The following PPP2R2A variants were observed in gnomAD, a reference collection of about 807,000 sequenced individuals.
The protein encoded by PPP2R2A is protein phosphatase 2 regulatory subunit Balpha.
In PPP2R2A, 9 loss-of-function variants were observed where a neutral mutation model predicts 53.2. That is an observed-to-expected ratio of 0.17 (90% CI 0.10 to 0.30). The LOEUF (loss-of-function observed/expected upper bound fraction) is 0.30, where lower values mean the gene tolerates loss of function less well. Among genes scored for constraint, PPP2R2A ranks in the 10% least tolerant of loss-of-function variants. PPP2R2A has a pLI of 1.00. For missense variants in PPP2R2A, 235 were observed against 534.6 expected, an observed-to-expected ratio of 0.44 and a Z score of 5.53; for synonymous variants, 169 against 174.2, an observed-to-expected ratio of 0.97 and a Z score of 0.23.
rs187748785 is a variant in PPP2R2A at position 26,333,691 on chromosome 8, T to A, written c.83-5199T>A. The A allele has an allele frequency of 1.8e-3, 638 of 353,994 alleles. 2 individuals carry two copies. The highest frequency in any genetic ancestry group is 2.4e-3 in the Non-Finnish European group (550 of 227,992). 21.9% of individuals were successfully genotyped at this position (353,994 alleles called of 1,614,324 possible). A position where few individuals can be genotyped will look rare whatever the true frequency, so the allele number is the denominator to read the frequency against. ...CCTTGCTGATTTTTATACTGAGAGT[T>A]ACATTTTTGAACCTTTGGCTGTATG... On this transcript the variant is annotated intron_variant, in intron 2 of 9. Transcript: ENST00000380737.
rs1208986792 is a variant in PPP2R2A, at chr8:26,354,336, C to A, written c.181-132C>A. On this transcript the variant is annotated intron_variant, in intron 3 of 9. Transcript: ENST00000380737. The surrounding 1 kb of genome is among the most constrained non-coding windows in gnomAD (Gnocchi z 4.6). ...TGAAGGCCTTTAGAAATATAAAAAA[C>A]AGAATGTAATTGTATAAAGACACAA... The A allele has an allele frequency of 4.7e-6, 3 of 637,340 alleles. No homozygotes were observed. Among genetic ancestry groups the A allele is most frequent in the African/African-American group, 1.9e-5 (1 of 52,666 alleles). The allele number at this position is 637,340 out of a possible 1,614,324, so 39.5% of individuals were successfully genotyped here. A position where few individuals can be genotyped will look rare whatever the true frequency, so the allele number is the denominator to read the frequency against.
intron 2 of PPP2R2A, among the ~76,000 whole-genome samples, chr8:26,296,760 G>A (rs757600672): frequency 6.6e-6 from 1 of 152,158 alleles, no homozygotes; most frequent in Non-Finnish European, 1.5e-5. Context: ...TTTTGAAAGG[G>A]GAAGAGAAAT....
chr8:26,334,806 G>A (rs977089388), intron 2 of PPP2R2A, among the ~76,000 whole-genome samples: 25 of 152,286 alleles, frequency 1.6e-4, no homozygotes, highest in African/African-American at 5.8e-4. Flanking sequence ...TTTTAGACCT[G>A]TGCTGTCCAG....
chr8:26,341,992 A>G (rs573338014), intron 3 of PPP2R2A, among the ~76,000 whole-genome samples: 7 of 152,266 alleles, frequency 4.6e-5, no homozygotes, highest in Non-Finnish European at 7.4e-5. Flanking sequence ...TTATTCCCCA[A>G]TCGTAATATA....
At chr8:26,309,831 A>G (rs1477064036) in intron 2 of PPP2R2A, among the ~76,000 whole-genome samples, 1 of 152,142 alleles carries the variant, frequency 6.6e-6, no homozygotes, top group East Asian at 1.9e-4. Context: ...TTGCTGTCTT[A>G]TGGAGGTGCT....
Position 26,362,107 on chromosome 8 carries a change from GATT to G in PPP2R2A, c.638-575_638-573del, listed in dbSNP as rs1477472342. On this transcript the variant is annotated intron_variant, in intron 6 of 9. Coordinates refer to ENST00000380737, the MANE Select transcript of PPP2R2A (RefSeq NM_002717.4). The surrounding 1 kb of genome is among the most constrained non-coding windows in gnomAD (Gnocchi z 4.4). ...TAATAATTAGATTAGATTAGAAAAA[GATT>G]AGAAAAAGAAAGATTAAAGATTACG... 6.6e-6 allele frequency among the ~76,000 whole-genome samples: 1 copy of G among 150,596 alleles called. No homozygotes were observed. The highest frequency in any genetic ancestry group is 2.4e-5 in the African/African-American group (1 of 40,886).
chr8:26,361,294 A>G (rs1340991578), intron 6 of PPP2R2A, 143 bp downstream of exon 6: 2 of 668,364 alleles, frequency 3.0e-6, no homozygotes, highest in African/African-American at 3.8e-5. Flanking sequence ...TTCTTTGTAG[A>G]TGAGTAATGA....
At chr8:26,301,409 T>G (rs1801779669) in intron 2 of PPP2R2A, among the ~76,000 whole-genome samples, 3 of 151,234 alleles carry the variant, frequency 2.0e-5, no homozygotes, top group Non-Finnish European at 4.4e-5. Context: ...CATGGCTCAC[T>G]GCAGCCTCAA....
In PPP2R2A at chr8:26,321,237, A is replaced by G. The variant is rs182187930; in HGVS notation, c.83-17653A>G. 1.8e-4 allele frequency among the ~76,000 whole-genome samples: 28 copies of G among 152,290 alleles called. No homozygotes were observed. The highest frequency in any genetic ancestry group is 7.2e-4 in the Admixed American group (11 of 15,302). ...GAATTGAAGGGGGAGCCACTGGACAATTGGTTCATGTATTCTGTACTTTGA... is the reference window on the plus strand; with the variant it reads ...GAATTGAAGGGGGAGCCACTGGACAGTTGGTTCATGTATTCTGTACTTTGA... On this transcript the variant is annotated intron_variant, in intron 2 of 9. Transcript: ENST00000380737. This position sits in a 1 kb window ranked among gnomAD's most constrained non-coding sequence, Gnocchi z 4.1.
chr8:26,367,957 G>C (rs1474875501), intron 9 of PPP2R2A, among the ~76,000 whole-genome samples: 17 of 152,080 alleles, frequency 1.1e-4, no homozygotes, highest in East Asian at 1.9e-4. Context: ...CATGACCTTG[G>C]CATTTTGAAG....
In PPP2R2A at chr8:26,345,211, A is replaced by T. The variant is rs899497850; in HGVS notation, c.180+6224A>T. ...CTCCACCAAAAACAACTCCAAATCT[A>T]TGAAATTAATAATGCCCAGTAATTT... On this transcript the variant is annotated intron_variant, in intron 3 of 9. Coordinates refer to ENST00000380737, the MANE Select transcript of PPP2R2A (RefSeq NM_002717.4). Among the ~76,000 whole-genome samples the T allele has an allele frequency of 2.0e-5, 3 of 152,206 alleles. 1 individual carries two copies. Among genetic ancestry groups the T allele is most frequent in the Non-Finnish European group, 1.5e-5 (1 of 68,032 alleles).
intron 1 of PPP2R2A, 29 bp downstream of exon 1, chr8:26,291,855 A>G: frequency 2.5e-6 from 4 of 1,607,512 alleles, no homozygotes; most frequent in Non-Finnish European, 2.5e-6. Flanking sequence ...TCGCCCCCTG[A>G]CAAGGCACCG....
chr8:26,325,518 T>C (rs2117280585), intron 2 of PPP2R2A, among the ~76,000 whole-genome samples: 1 of 152,312 alleles, frequency 6.6e-6, no homozygotes, highest in South Asian at 2.1e-4. Context: ...TATTCCCTGT[T>C]TAGATGCTGT....
At chr8:26,340,173 A>G (rs961728891) in intron 3 of PPP2R2A, among the ~76,000 whole-genome samples, 6 of 152,038 alleles carry the variant, frequency 3.9e-5, no homozygotes, top group African/African-American at 1.4e-4. Flanking sequence ...AAACTCGACC[A>G]TAAGAATCTT....
At chr8:26,334,221 T>C (rs949053407) in intron 2 of PPP2R2A, among the ~76,000 whole-genome samples, 2 of 152,202 alleles carry the variant, frequency 1.3e-5, no homozygotes, top group Non-Finnish European at 2.9e-5. Flanking sequence ...AACATTGTGA[T>C]TGGTGATAGG....
intron 2 of PPP2R2A, 94 bp downstream of exon 2, chr8:26,293,834 TC>T: frequency 8.8e-7 from 1 of 1,137,042 alleles, no homozygotes. Flanking sequence ...TGCTATAAAT[TC>T]AAGATGATTT....
chr8:26,366,803 T>C (rs1805402710), intron 9 of PPP2R2A, among the ~76,000 whole-genome samples: 1 of 152,160 alleles, frequency 6.6e-6, no homozygotes, highest in African/African-American at 2.4e-5. Flanking sequence ...TAACACCTCA[T>C]AGAAGTGGTC....
chr8:26,345,420 A>G (rs1804161214), intron 3 of PPP2R2A, among the ~76,000 whole-genome samples: 1 of 152,214 alleles, frequency 6.6e-6, no homozygotes, highest in African/African-American at 2.4e-5. Context: ...AGTGGCAAAG[A>G]ATGCATGTAT....
At chr8:26,304,937 TATAAC>T (rs1162994033) in intron 2 of PPP2R2A, among the ~76,000 whole-genome samples, 1 of 152,168 alleles carries the variant, frequency 6.6e-6, no homozygotes, top group Non-Finnish European at 1.5e-5. Flanking sequence ...ATAGAAAACA[TATAAC>T]ATTAAATTTA....
Sources: allele counts gnomAD v4.1 joint callset (sites outside exome capture counted in the v4.1 genomes callset), GRCh38; gene constraint gnomAD v4.1.1; non-coding constraint Gnocchi (gnomAD v3.1); transcripts MANE v1.5; gene names NCBI Gene and HGNC (gene_info 2026-07-23, HGNC 2026-07-21).